The following GPATCH2L variants were observed in gnomAD, a reference collection of about 807,000 sequenced individuals.
The protein encoded by GPATCH2L is G patch domain-containing protein 2-like.
In GPATCH2L, 31 loss-of-function variants were observed where a neutral mutation model predicts 57.4. That is an observed-to-expected ratio of 0.54 (90% CI 0.41 to 0.73). The LOEUF is 0.73. Among genes scored for constraint, GPATCH2L ranks in the 30% least tolerant of loss-of-function variants. GPATCH2L has a pLI of 0.00. For missense variants in GPATCH2L, 481 were observed against 599.9 expected, an observed-to-expected ratio of 0.80 and a Z score of 2.07; for synonymous variants, 199 against 210.7, an observed-to-expected ratio of 0.94 and a Z score of 0.48.
intron 2 of GPATCH2L, among the ~76,000 whole-genome samples, chr14:76,233,921 T>C (rs1428642248): frequency 6.6e-6 from 1 of 151,918 alleles, no homozygotes; most frequent in Non-Finnish European, 1.5e-5. Flanking sequence ...CTAGGCAACA[T>C]AGCAAGACCT....
chr14:76,152,190 C>T (rs919225204), intron 1 of GPATCH2L, among the ~76,000 whole-genome samples, 199 bp downstream of exon 1: 1 of 152,180 alleles, frequency 6.6e-6, no homozygotes, highest in Non-Finnish European at 1.5e-5. Context: ...TCTCCGGGGC[C>T]ACAGCCCCCT....
chr14:76,213,196 A>G lies in GPATCH2L; in HGVS notation c.*11345A>G, dbSNP rs759550577. 8 of 152,188 alleles carry G rather than the reference A, an allele frequency of 5.3e-5. No individual in the cohort carries two copies. The highest frequency in any genetic ancestry group is 8.8e-5 in the Non-Finnish European group (6 of 68,024). The allele number at this position is 152,188 out of a possible 1,614,324, so 9.4% of individuals were successfully genotyped here. A position where few individuals can be genotyped will look rare whatever the true frequency, so the allele number is the denominator to read the frequency against. On this transcript the variant is annotated 3_prime_UTR_variant, in exon 10 of 10. Transcript: ENST00000261530. Reference sequence around the variant, plus strand: ...GTAACATTTTAGCTAACATTACAAGAGAAGACAAACACAAAATAAGAATTA... The same window carrying G: ...GTAACATTTTAGCTAACATTACAAGGGAAGACAAACACAAAATAAGAATTA...
In GPATCH2L at chr14:76,154,526, G is replaced by C; in HGVS notation, c.163G>C (p.Ala55Pro). The C allele has an allele frequency of 6.2e-7, 1 of 1,614,228 alleles. No homozygotes were observed. The highest frequency in any genetic ancestry group is 8.5e-7 in the Non-Finnish European group (1 of 1,180,042). The change falls in exon 2 of 10, where the codon GCA (alanine) becomes CCA (proline). Residue 55 changes from alanine to proline, a missense_variant. This residue lies in a region of GPATCH2L where 208 missense variants were observed against 272.4 expected (regional missense o/e 0.76). Coordinates refer to ENST00000261530, the MANE Select transcript of GPATCH2L (RefSeq NM_017926.4). This position sits in a 1 kb window ranked among gnomAD's most constrained non-coding sequence, Gnocchi z 4.4. ...RKRRSDFTHL[A>P]EHTCCYSEAS... The stretch of plus-strand genomic sequence containing the variant: ...GCGTCGTTCTGACTTCACTCACCTG[G>C]CAGAGCATACCTGCTGCTACAGCGA...
chr14:76,161,278 A>G (rs1025566184), intron 2 of GPATCH2L, among the ~76,000 whole-genome samples: 1 of 151,952 alleles, frequency 6.6e-6, no homozygotes, highest in Non-Finnish European at 1.5e-5. Context: ...GTGCATTATT[A>G]TTTACTAAGA....
chr14:76,190,514 C>T (rs1372946626), intron 8 of GPATCH2L, among the ~76,000 whole-genome samples: 2 of 152,114 alleles, frequency 1.3e-5, no homozygotes, highest in African/African-American at 2.4e-5. Flanking sequence ...CCCCAGGTTT[C>T]GCTGGCCTGA....
downstream of GPATCH2L, among the ~76,000 whole-genome samples, chr14:76,218,811 C>T (rs986998654): frequency 2.6e-5 from 4 of 151,330 alleles, no homozygotes; most frequent in Admixed American, 6.6e-5. Flanking sequence ...TAAATACTTA[C>T]GAGAATTGAG....
At chr14:76,175,645 T>C (rs1015199082) in intron 5 of GPATCH2L, 12 of 152,132 alleles carry the variant, frequency 7.9e-5, no homozygotes, top group African/African-American at 2.9e-4. Flanking sequence ...ATGCAGAACA[T>C]GAAGAATATA....
rs2038197524 is a variant in GPATCH2L, at chr14:76,154,436, T to G, written c.73T>G (p.Trp25Gly). 1 of 1,613,990 alleles carries G rather than the reference T, an allele frequency of 6.2e-7. No homozygotes were observed. Among genetic ancestry groups the G allele is most frequent in the African/African-American group, 1.3e-5 (1 of 75,026 alleles). Reference protein sequence around the residue: ...TSEQNKLGELWEEMALSPRQQ... With the variant: ...TSEQNKLGELGEEMALSPRQQ... ...TGAGCAGAATAAGCTTGGTGAACTG[T>G]GGGAGGAGATGGCGCTGAGCCCCCG... The change falls in exon 2 of 10, where the codon TGG becomes GGG. Residue 25 changes from tryptophan to glycine, a missense_variant. This residue lies in a region of GPATCH2L where 208 missense variants were observed against 272.4 expected (regional missense o/e 0.76). Coordinates refer to ENST00000261530, the MANE Select transcript of GPATCH2L (RefSeq NM_017926.4). The surrounding 1 kb of genome is among the most constrained non-coding windows in gnomAD (Gnocchi z 4.4).
At chr14:76,181,433 G>A (rs996464186) in intron 8 of GPATCH2L, among the ~76,000 whole-genome samples, 11 of 152,176 alleles carry the variant, frequency 7.2e-5, no homozygotes, top group African/African-American at 1.9e-4. Flanking sequence ...CTTCCTGCTC[G>A]TTATCTGTTT....
At chr14:76,193,515 CA>C (rs2040050194) in intron 8 of GPATCH2L, among the ~76,000 whole-genome samples, 8 of 152,080 alleles carry the variant, frequency 5.3e-5, no homozygotes, top group Admixed American at 5.2e-4. Context: ...CTTGAAGAAG[CA>C]ATGTTTTAAA....
intron 2 of GPATCH2L, among the ~76,000 whole-genome samples, chr14:76,161,467 CCTT>C (rs2038580177): frequency 6.6e-6 from 1 of 152,108 alleles, no homozygotes; most frequent in Admixed American, 6.5e-5. Context: ...TTCTGTACCT[CCTT>C]ATTATAATTG....
At chr14:76,182,601 A>G (rs891696822) in intron 8 of GPATCH2L, among the ~76,000 whole-genome samples, 87 of 150,578 alleles carry the variant, frequency 5.8e-4, no homozygotes, top group Middle Eastern at 3.2e-3. Flanking sequence ...AAAAAAAAAA[A>G]AAAAAGAAAA....
At chr14:76,198,313 A>C (rs1479331366) in intron 9 of GPATCH2L, among the ~76,000 whole-genome samples, 1 of 152,206 alleles carries the variant, frequency 6.6e-6, no homozygotes, top group Non-Finnish European at 1.5e-5. Flanking sequence ...TGCTGAAGTG[A>C]ACTAGCTGAA....
intron 1 of GPATCH2L, among the ~76,000 whole-genome samples, chr14:76,224,585 CAT>C (rs1441641349): frequency 6.6e-6 from 1 of 152,058 alleles, no homozygotes; most frequent in Non-Finnish European, 1.5e-5. Flanking sequence ...CAGGAAATAT[CAT>C]AGTTAATAGT....
In GPATCH2L at chr14:76,206,123, C is replaced by T. The variant is rs987436925; in HGVS notation, c.*4272C>T. ...CTTCCCTCTGCTAGTGCTTGAGCTGCCAATTTTATTTGTCAGTATTTCCTG... is the reference window on the plus strand; with the variant it reads ...CTTCCCTCTGCTAGTGCTTGAGCTGTCAATTTTATTTGTCAGTATTTCCTG... On this transcript the variant is annotated 3_prime_UTR_variant, in exon 10 of 10. Transcript: ENST00000261530. The T allele has an allele frequency of 2.6e-5, 4 of 152,206 alleles. No individual in the cohort carries two copies. Among genetic ancestry groups the T allele is most frequent in the African/African-American group, 9.7e-5 (4 of 41,420 alleles). The allele number at this position is 152,206 out of a possible 1,614,324, so 9.4% of individuals were successfully genotyped here.
chr14:76,193,402 C>A (rs928055864), intron 8 of GPATCH2L, among the ~76,000 whole-genome samples: 1 of 152,012 alleles, frequency 6.6e-6, no homozygotes, highest in African/African-American at 2.4e-5. Context: ...TAGTTCAGCT[C>A]AAGTTGATAC....
Position 76,195,915 on chromosome 14 carries a change from G to A in GPATCH2L, c.1231G>A (p.Asp411Asn), listed in dbSNP as rs2040134509. The change falls in exon 9 of 10, where the codon GAC (aspartate) becomes AAC (asparagine). Residue 411 changes from aspartate (D) to asparagine (N), a missense_variant. Asp to Asn is a conservative substitution (Grantham distance 23, BLOSUM62 1). This residue lies in a region of GPATCH2L where 248 missense variants were observed against 270.5 expected (regional missense o/e 0.92). Transcript: ENST00000261530. The part of the protein sequence containing the change: ...NVHWGPPCSR[D>N]IKRKRKPVAT... ...ACACTGGGGACCACCATGTTCACGT[G>A]ACATCAAGAGGAAGCGGAAACCAGT... 1 of 1,613,742 alleles carries A rather than the reference G, an allele frequency of 6.2e-7. No homozygotes were observed. Among genetic ancestry groups the A allele is most frequent in the African/African-American group, 1.3e-5 (1 of 74,904 alleles).
At chr14:76,170,199 T>C (rs1394098906) in intron 3 of GPATCH2L, among the ~76,000 whole-genome samples, 1 of 152,216 alleles carries the variant, frequency 6.6e-6, no homozygotes, top group Non-Finnish European at 1.5e-5. Context: ...TTAAGAGTTA[T>C]TATCCTGCGT....
intron 3 of GPATCH2L, among the ~76,000 whole-genome samples, chr14:76,169,063 A>G (rs539093174): frequency 2.6e-5 from 4 of 152,300 alleles, no homozygotes; most frequent in Non-Finnish European, 4.4e-5. Flanking sequence ...GTGCTTCACT[A>G]TCCCCTTGTG....
Sources: gnomAD v4.1 joint callset for allele counts (sites outside exome capture counted in the v4.1 genomes callset) on GRCh38, gnomAD v4.1.1 for gene constraint, gnomAD v4.1.1 regional missense constraint, Gnocchi (gnomAD v3.1) non-coding constraint, MANE v1.5 for transcripts, NCBI Gene and HGNC (gene_info 2026-07-23, HGNC 2026-07-21) for gene names.